The following GTF2IRD1 variants were observed in gnomAD, a reference collection of about 807,000 sequenced individuals.
GTF2IRD1 encodes general transcription factor II-I repeat domain-containing protein 1.
In GTF2IRD1, 26 loss-of-function variants were observed where a neutral mutation model predicts 113.2. That is an observed-to-expected ratio of 0.23 (90% CI 0.17 to 0.32). The LOEUF is 0.32. Among genes scored for constraint, GTF2IRD1 ranks in the 10% least tolerant of loss-of-function variants. The probability of loss-of-function intolerance (pLI) is 1.00; values close to 1 mark genes in which losing one functional copy is unlikely to be tolerated. For missense variants in GTF2IRD1, 864 were observed against 1,280.8 expected (o/e 0.67, Z 4.97); for synonymous variants, 484 against 529.1 (o/e 0.91, Z 1.17).
chr7:74,516,512 C>T (rs1201235704), intron 4 of GTF2IRD1, among the ~76,000 whole-genome samples: 1 of 152,252 alleles, frequency 6.6e-6, no homozygotes, highest in African/African-American at 2.4e-5. Context: ...TTCACACGCC[C>T]TGGGAAACAT....
chr7:74,588,925 C>G (rs1801889988), intron 22 of GTF2IRD1, among the ~76,000 whole-genome samples: 1 of 152,168 alleles, frequency 6.6e-6, no homozygotes, highest in African/African-American at 2.4e-5. Flanking sequence ...CCCTTGTCTC[C>G]TAAGTGTGTC....
At chr7:74,568,507 G>A (rs1307865775) in intron 22 of GTF2IRD1, among the ~76,000 whole-genome samples, 9 of 152,056 alleles carry the variant, frequency 5.9e-5, no homozygotes, top group African/African-American at 2.2e-4. Context: ...AATTAGCTGG[G>A]CGTGATGGCG....
chr7:74,590,143 G>T (rs1181611747), intron 23 of GTF2IRD1, among the ~76,000 whole-genome samples: 1 of 151,882 alleles, frequency 6.6e-6, no homozygotes, highest in Non-Finnish European at 1.5e-5. Context: ...GTACAGTGGC[G>T]TATCTCCGCT....
intron 17 of GTF2IRD1, among the ~76,000 whole-genome samples, chr7:74,553,610 A>G (rs1323938025): frequency 1.3e-5 from 2 of 152,156 alleles, no homozygotes; most frequent in Non-Finnish European, 2.9e-5. Context: ...TAAAGTCACG[A>G]TGGCTTTCTC....
intron 4 of GTF2IRD1, 84 bp downstream of exon 4, chr7:74,515,680 T>C: frequency 7.9e-7 from 1 of 1,260,500 alleles, no homozygotes; most frequent in Non-Finnish European, 1.1e-6. Flanking sequence ...CCCCCTCCTG[T>C]CCCACTATGG....
At chr7:74,535,949 C>G (rs1798267276) in intron 10 of GTF2IRD1, among the ~76,000 whole-genome samples, 1 of 152,194 alleles carries the variant, frequency 6.6e-6, no homozygotes. Context: ...CTCTGGCCAC[C>G]TCTGGCACTA....
At chr7:74,508,922 C>T (rs1796458027) in intron 2 of GTF2IRD1, among the ~76,000 whole-genome samples, 1 of 152,040 alleles carries the variant, frequency 6.6e-6, no homozygotes, top group African/African-American at 2.4e-5. Context: ...AGAGAGAAAC[C>T]GAGCTTTGTA....
In GTF2IRD1 at chr7:74,521,327, C is replaced by T. The variant is rs782082126; in HGVS notation, c.1006+30C>T. 3.7e-6 allele frequency: 5 copies of T among 1,335,692 alleles called. No homozygotes were observed. The Admixed American group carries it at 8.4e-5, about 22-fold the overall frequency. 82.7% of individuals were successfully genotyped at this position (1,335,692 alleles called of 1,614,324 possible). On this transcript the variant is annotated intron_variant, in intron 7 of 26. Coordinates refer to ENST00000424337, the MANE Select transcript of GTF2IRD1 (RefSeq NM_005685.4). Reference sequence around the variant, plus strand: ...GACAGCGCCCACGAAGCACCCCGGCCTGAGTGGGAATCTGAGGTTGGAGGT... The same window carrying T: ...GACAGCGCCCACGAAGCACCCCGGCTTGAGTGGGAATCTGAGGTTGGAGGT...
intron 4 of GTF2IRD1, among the ~76,000 whole-genome samples, 172 bp downstream of exon 4, chr7:74,515,768 CAGA>C (rs1360567194): frequency 2.0e-5 from 3 of 152,138 alleles, no homozygotes; most frequent in Non-Finnish European, 4.4e-5. Context: ...TTCCCAGACA[CAGA>C]AGTTCTGCTC....
At chr7:74,494,035 G>A (rs1057093340) in intron 1 of GTF2IRD1, among the ~76,000 whole-genome samples, 1 of 152,186 alleles carries the variant, frequency 6.6e-6, no homozygotes, top group Non-Finnish European at 1.5e-5. Context: ...GGGTGTATCC[G>A]TTATTTATCT....
Position 74,486,191 on chromosome 7 carries a change from G to A in GTF2IRD1, c.-6-21884G>A, listed in dbSNP as rs149424989. The stretch of plus-strand genomic sequence containing the variant: ...TCACCATGTTGGCCAGGCTGGTCTC[G>A]AACTCTTGACCTCAAGTGATCCGCC... On this transcript the variant is annotated intron_variant, in intron 1 of 26. Transcript: ENST00000424337. Among the ~76,000 whole-genome samples, 729 of 152,168 alleles carry A rather than the reference G, an allele frequency of 4.8e-3. 30 individuals are homozygous for A. In the East Asian group the frequency reaches 0.1, roughly 21 times the overall value.
chr7:74,507,244 T>G (rs1259971699), intron 1 of GTF2IRD1: 2 of 151,898 alleles, frequency 1.3e-5, no homozygotes, highest in Non-Finnish European at 2.9e-5. Flanking sequence ...GAGGCTGAGG[T>G]GGGCAGATCA....
intron 1 of GTF2IRD1, among the ~76,000 whole-genome samples, chr7:74,468,356 T>TA (rs1793855319): frequency 1.1e-3 from 12 of 11,056 alleles, no homozygotes; most frequent in Admixed American, 2.8e-3. Context: ...TAAAAATAAT[T>TA]TAAAAAAAAA....
At chr7:74,522,632 G>A (rs949126206) in intron 7 of GTF2IRD1, among the ~76,000 whole-genome samples, 4 of 152,174 alleles carry the variant, frequency 2.6e-5, no homozygotes, top group Non-Finnish European at 4.4e-5. Flanking sequence ...CCCCAAACAA[G>A]GTCCAGCCCT....
In GTF2IRD1 at chr7:74,508,077, G is replaced by A. The variant is rs782179380; in HGVS notation, c.-4G>A. 2.5e-6 allele frequency: 4 copies of A among 1,605,144 alleles called. No homozygotes were observed. Among genetic ancestry groups the A allele is most frequent in the African/African-American group, 1.3e-5 (1 of 75,014 alleles). ...CACTGCCTCCTCCCTCCCCACAGGC[G>A]ACCATGGCCTTGCTGGGTAAGCGCT... On this transcript the variant is annotated splice_region_variant and 5_prime_UTR_variant, in exon 2 of 27. Coordinates refer to ENST00000424337, the MANE Select transcript of GTF2IRD1 (RefSeq NM_005685.4).
chr7:74,468,977 C>G (rs1008993748), intron 1 of GTF2IRD1, among the ~76,000 whole-genome samples: 1 of 149,714 alleles, frequency 6.7e-6, no homozygotes, highest in Non-Finnish European at 1.5e-5. Context: ...CCCAGCTACT[C>G]GGGAGGCTGA....
chr7:74,503,040 G>A lies in GTF2IRD1; in HGVS notation c.-6-5035G>A, dbSNP rs187475535. 1.8e-3 allele frequency among the ~76,000 whole-genome samples: 278 copies of A among 152,052 alleles called. 1 individual carries two copies. The highest frequency in any genetic ancestry group is 6.5e-3 in the African/African-American group (271 of 41,474). ...AAATTAGCCGGGTGTGGTGGTGCAC[G>A]CTTGTAATCGCAGCTACTTGGGAGG... On this transcript the variant is annotated intron_variant, in intron 1 of 26. Coordinates refer to ENST00000424337, the MANE Select transcript of GTF2IRD1 (RefSeq NM_005685.4).
At chr7:74,559,556 T>G in intron 21 of GTF2IRD1, 71 bp from the exon 22 acceptor site, 1 of 1,418,478 alleles carries the variant, frequency 7.0e-7, no homozygotes, top group Non-Finnish European at 9.7e-7. Context: ...CCGAGGCCAC[T>G]GAATCCCAGG....
chr7:74,589,041 G>A (rs1364659631), intron 22 of GTF2IRD1, among the ~76,000 whole-genome samples: 2 of 152,128 alleles, frequency 1.3e-5, no homozygotes, highest in South Asian at 2.1e-4. Context: ...CACAGGGCCT[G>A]TGCTGGGGAC....
Sources: gnomAD v4.1 joint callset for allele counts (sites outside exome capture counted in the v4.1 genomes callset) on GRCh38, gnomAD v4.1.1 for gene constraint, MANE v1.5 for transcripts, NCBI Gene and HGNC (gene_info 2026-07-23, HGNC 2026-07-21) for gene names.